Variants in ADGRB3 observed in about 807,000 individuals in gnomAD.
ADGRB3 encodes adhesion G protein-coupled receptor B3.
ADGRB3 carries 37 observed loss-of-function variants against 193.4 expected under a neutral mutation model. That is an observed-to-expected ratio of 0.19 (90% CI 0.15 to 0.25). The LOEUF (loss-of-function observed/expected upper bound fraction) is 0.25. Among genes scored for constraint, ADGRB3 ranks in the 10% least tolerant of loss-of-function variants. The pLI is 1.00. For synonymous variants in ADGRB3, 690 were observed against 644.2 expected (o/e 1.07, Z -1.08); for missense variants, 1,637 against 1,852.9 (o/e 0.88, Z 2.14).
rs555091477 is a variant in ADGRB3 at position 69,302,996 on chromosome 6, C to A, written c.2815-21876C>A. On this transcript the variant is annotated intron_variant, in intron 20 of 31. Transcript: ENST00000370598. The stretch of plus-strand genomic sequence containing the variant: ...ACCACTCCAGAGGAATTACATAAGA[C>A]AACTTGATGGAGATGAGTGCTTCCA... 1.2e-4 allele frequency among the ~76,000 whole-genome samples: 19 copies of A among 152,024 alleles called. No individual in the cohort carries two copies. In the South Asian group the frequency reaches 3.9e-3, roughly 31 times the overall value.
intron 3 of ADGRB3, among the ~76,000 whole-genome samples, chr6:68,754,743 A>C (rs1380047869): frequency 6.6e-6 from 1 of 151,914 alleles, no homozygotes; most frequent in East Asian, 1.9e-4. Context: ...GAAATTTAAA[A>C]AAAAAAACAG....
chr6:68,706,767 T>G (rs976986677), intron 3 of ADGRB3, among the ~76,000 whole-genome samples: 3 of 152,280 alleles, frequency 2.0e-5, no homozygotes, highest in Admixed American at 2.0e-4. Flanking sequence ...TTTTTCCCAG[T>G]GCATATATAA....
At chr6:69,013,514 T>C (rs1192896029) in intron 11 of ADGRB3, among the ~76,000 whole-genome samples, 1 of 152,078 alleles carries the variant, frequency 6.6e-6, no homozygotes, top group Non-Finnish European at 1.5e-5. Flanking sequence ...TTATTTAATA[T>C]TTGCAATTGG....
chr6:68,934,834 G>T (rs1295882269), intron 4 of ADGRB3, among the ~76,000 whole-genome samples: 1 of 152,100 alleles, frequency 6.6e-6, no homozygotes, highest in East Asian at 1.9e-4. Context: ...GGCTTTAACT[G>T]TTATTCAAAT....
intron 23 of ADGRB3, chr6:69,332,214 G>GA: frequency 2.0e-6 from 2 of 985,268 alleles, no homozygotes; most frequent in Non-Finnish European, 2.4e-6. Flanking sequence ...CTTGAAAAAG[G>GA]AAAAATATGT....
intron 17 of ADGRB3, among the ~76,000 whole-genome samples, chr6:69,137,066 TTTTTTTTTTTA>T (rs1166063828): frequency 1.6e-5 from 1 of 64,038 alleles, no homozygotes; most frequent in East Asian, 2.7e-3. Context: ...CTTTTTTTTT[TTTTTTTTTTTA>T]ATGGTAAGAT....
chr6:68,901,969 T>C (rs1444150794), intron 3 of ADGRB3, among the ~76,000 whole-genome samples: 1 of 152,162 alleles, frequency 6.6e-6, no homozygotes, highest in African/African-American at 2.4e-5. Context: ...TTATATTTTT[T>C]AGCTGGAAGC....
At chr6:69,219,487 A>ATATATATG (rs1455210313) in intron 17 of ADGRB3, among the ~76,000 whole-genome samples, 3 of 140,524 alleles carry the variant, frequency 2.1e-5, no homozygotes, top group Non-Finnish European at 4.7e-5. Flanking sequence ...ATATATATAT[A>ATATATATG]TATATACGTG....
intron 3 of ADGRB3, among the ~76,000 whole-genome samples, chr6:68,681,416 A>T (rs1193749597): frequency 2.0e-5 from 3 of 152,072 alleles, no homozygotes; most frequent in East Asian, 3.9e-4. Flanking sequence ...TGCAGCTAGG[A>T]CTACAAGCAT....
At chr6:69,096,050 G>A (rs1203006817) in intron 17 of ADGRB3, among the ~76,000 whole-genome samples, 1 of 152,134 alleles carries the variant, frequency 6.6e-6, no homozygotes, top group African/African-American at 2.4e-5. Context: ...TATATCAGAT[G>A]TTTCTGTGGC....
rs180770864 is a variant in ADGRB3 at position 69,324,469 on chromosome 6, A to T, written c.2815-403A>T. 1.4e-4 allele frequency among the ~76,000 whole-genome samples: 22 copies of T among 152,294 alleles called. No individual in the cohort carries two copies. In the East Asian group the frequency reaches 3.5e-3, roughly 24 times the overall value. On this transcript the variant is annotated intron_variant, in intron 20 of 31. Coordinates refer to ENST00000370598, the MANE Select transcript of ADGRB3 (RefSeq NM_001704.3). ...AACACAGATAAAACAACAAAGAACGATTATCTGTTAAAAGGGAAGAATAAA... is the reference window on the plus strand; with the variant it reads ...AACACAGATAAAACAACAAAGAACGTTTATCTGTTAAAAGGGAAGAATAAA...
chr6:68,960,980 C>T (rs1274923614), intron 8 of ADGRB3, among the ~76,000 whole-genome samples: 2 of 152,170 alleles, frequency 1.3e-5, no homozygotes, highest in Non-Finnish European at 2.9e-5. Flanking sequence ...TCCTCTACCT[C>T]TGTTCCACTG....
chr6:69,048,348 A>C lies in ADGRB3; in HGVS notation c.2257+14A>C. Reference sequence around the variant, plus strand: ...TGTCATCAAAAGGTAAATATCTGAAATAATATGAGCTTGAACAAGACATTT... The same window carrying C: ...TGTCATCAAAAGGTAAATATCTGAACTAATATGAGCTTGAACAAGACATTT... On this transcript the variant is annotated intron_variant, in intron 14 of 31. Transcript: ENST00000370598. The C allele has an allele frequency of 6.2e-7, 1 of 1,609,108 alleles. No homozygotes were observed. Among genetic ancestry groups the C allele is most frequent in the Non-Finnish European group, 8.5e-7 (1 of 1,177,580 alleles).
At chr6:69,161,228 A>G (rs1000677553) in intron 17 of ADGRB3, among the ~76,000 whole-genome samples, 7 of 152,028 alleles carry the variant, frequency 4.6e-5, no homozygotes, top group Non-Finnish European at 1.0e-4. Context: ...AAATAATAAT[A>G]ATAATTTAAC....
chr6:68,844,700 A>G lies in ADGRB3; in HGVS notation c.758-85859A>G, dbSNP rs151018302. ...TTGCATTACTCTTCAAATAGCCAAG[A>G]TTGGGAAGCAACCTATGTGTCCCAT... is the stretch of plus-strand genomic sequence containing the variant. On this transcript the variant is annotated intron_variant, in intron 3 of 31. Transcript: ENST00000370598. 2.9e-4 allele frequency among the ~76,000 whole-genome samples: 44 copies of G among 152,308 alleles called. No homozygotes were observed. In the East Asian group the frequency reaches 5.0e-3, roughly 17 times the overall value.
intron 11 of ADGRB3, among the ~76,000 whole-genome samples, chr6:69,001,902 C>A (rs1013750403): frequency 3.3e-5 from 5 of 152,040 alleles, no homozygotes; most frequent in Non-Finnish European, 7.4e-5. Context: ...TAGAGTTTTC[C>A]AAAATAATAT....
chr6:69,082,768 C>T (rs1324125834), intron 17 of ADGRB3, among the ~76,000 whole-genome samples: 16 of 152,072 alleles, frequency 1.1e-4, no homozygotes, highest in Admixed American at 1.0e-3. Flanking sequence ...TTTGTTTCTG[C>T]TCTCTTTTAT....
intron 3 of ADGRB3, among the ~76,000 whole-genome samples, chr6:68,905,853 C>A (rs536580059): frequency 6.6e-6 from 1 of 152,064 alleles, no homozygotes; most frequent in Non-Finnish European, 1.5e-5. Flanking sequence ...GGAACCTGAC[C>A]ACTGCCTCAG....
chr6:69,210,149 C>CATATATATATATATATATATATATG lies in ADGRB3; in HGVS notation c.2481-23120_2481-23119insTATGATATATATATATATATATATA, dbSNP rs58586306. 7.6e-5 allele frequency among the ~76,000 whole-genome samples: 6 copies of CATATATATATATATATATATATATG among 78,930 alleles called. No individual in the cohort carries two copies. In the East Asian group the frequency reaches 1.1e-3, roughly 15 times the overall value. 51.8% of individuals were successfully genotyped at this position (78,930 alleles called of 152,430 possible). A position where few individuals can be genotyped will look rare whatever the true frequency, so the allele number is the denominator to read the frequency against. On this transcript the variant is annotated intron_variant, in intron 17 of 31. Coordinates refer to ENST00000370598, the MANE Select transcript of ADGRB3 (RefSeq NM_001704.3). ...ATATATATCATATATTAATATATAT[C>CATATATATATATATATATATATATG]ATATATATATATATATATATAAAGG...
Sources: allele counts gnomAD v4.1 joint callset (sites outside exome capture counted in the v4.1 genomes callset), GRCh38; gene constraint gnomAD v4.1.1; transcripts MANE v1.5; gene names NCBI Gene and HGNC (gene_info 2026-07-23, HGNC 2026-07-21).